The following FHIT variants were observed in gnomAD, a reference collection of about 807,000 sequenced individuals.
FHIT encodes bis(5'-adenosyl)-triphosphatase.
FHIT carries 19 observed loss-of-function variants against 17.9 expected under a neutral mutation model. The observed-to-expected ratio is 1.06, with a 90% CI of 0.74 to 1.56. The LOEUF (loss-of-function observed/expected upper bound fraction) is 1.56, where lower values mean the gene tolerates loss of function less well. Among genes scored for constraint, FHIT ranks in the 40% most tolerant of loss-of-function variants. The pLI is 0.00. For synonymous variants in FHIT, 81 were observed against 69.7 expected, an observed-to-expected ratio of 1.16 and a Z score of -0.81; for missense variants, 248 against 189.2, an observed-to-expected ratio of 1.31 and a Z score of -1.82.
chr3:60,495,588 CAG>C (rs951269904), intron 5 of FHIT, among the ~76,000 whole-genome samples: 36 of 152,022 alleles, frequency 2.4e-4, no homozygotes, highest in Non-Finnish European at 3.7e-4. Context: ...AAAGACCTAA[CAG>C]GGGGAAACCT....
intron 7 of FHIT, among the ~76,000 whole-genome samples, chr3:59,965,727 C>A (rs749666282): frequency 2.0e-5 from 3 of 152,128 alleles, no homozygotes; most frequent in African/African-American, 4.8e-5. Flanking sequence ...AATTTCTAGC[C>A]TACATGATTC....
At position 61,039,930 on chromosome 3, in the gene FHIT, C is replaced by T. The variant is rs527928433; in HGVS notation, c.-111+2117G>A. On this transcript the variant is annotated intron_variant, in intron 3 of 9. Coordinates refer to ENST00000492590, the MANE Select transcript of FHIT (RefSeq NM_002012.4). ...ACTTAGAACAGAATATTATTACTAA[C>T]TTGAAGATTCTTCTGAAAGCCAGAC... Among the ~76,000 whole-genome samples, 10 of 152,288 alleles carry T rather than the reference C, an allele frequency of 6.6e-5. No individual in the cohort carries two copies. The South Asian group carries it at 1.9e-3, about 28-fold the overall frequency.
chr3:61,178,125 T>C (rs2038213579), intron 2 of FHIT, among the ~76,000 whole-genome samples: 3 of 152,168 alleles, frequency 2.0e-5, no homozygotes, highest in Admixed American at 2.0e-4. Context: ...AATCCCTATG[T>C]GTTAAGAGGG....
intron 5 of FHIT, among the ~76,000 whole-genome samples, chr3:60,452,508 T>C (rs984504642): frequency 7.2e-5 from 11 of 152,280 alleles, no homozygotes; most frequent in African/African-American, 2.2e-4. Context: ...ATGAGACCAA[T>C]AGAATGTGAC....
rs144799956 is a variant in FHIT at position 60,871,819 on chromosome 3, T to G, written c.-110-49808A>C. 5.3e-5 allele frequency among the ~76,000 whole-genome samples: 8 copies of G among 151,824 alleles called. No individual in the cohort carries two copies. In the East Asian group the frequency reaches 1.6e-3, roughly 30 times the overall value. The stretch of plus-strand genomic sequence containing the variant: ...CAGATTTTTTATTTTTTGAATGTAT[T>G]TATTTATTTATTTATTTATTTTTTG... On this transcript the variant is annotated intron_variant, in intron 3 of 9. Coordinates refer to ENST00000492590, the MANE Select transcript of FHIT (RefSeq NM_002012.4).
chr3:59,785,383 C>T (rs1014341371), intron 8 of FHIT, among the ~76,000 whole-genome samples: 1 of 150,104 alleles, frequency 6.7e-6, no homozygotes, highest in African/African-American at 2.5e-5. Context: ...GATCTTGGCT[C>T]ACTGCAACCT....
At chr3:60,288,404 G>A (rs1326126537) in intron 5 of FHIT, among the ~76,000 whole-genome samples, 2 of 152,174 alleles carry the variant, frequency 1.3e-5, no homozygotes, top group Non-Finnish European at 2.9e-5. Context: ...TGCCCTCAAA[G>A]TCTCTGATCC....
chr3:61,228,432 A>T (rs1156847752), intron 1 of FHIT, among the ~76,000 whole-genome samples: 1 of 152,216 alleles, frequency 6.6e-6, no homozygotes, highest in Non-Finnish European at 1.5e-5. Flanking sequence ...GCCTTGTCAC[A>T]TCTTCACAAT....
At chr3:60,831,908 G>A (rs992427308) in intron 3 of FHIT, among the ~76,000 whole-genome samples, 2 of 152,090 alleles carry the variant, frequency 1.3e-5, no homozygotes, top group Non-Finnish European at 2.9e-5. Context: ...AGATTTATGA[G>A]ACATGATTGT....
chr3:60,421,425 G>A (rs971138677), intron 5 of FHIT, among the ~76,000 whole-genome samples: 3 of 152,060 alleles, frequency 2.0e-5, no homozygotes, highest in African/African-American at 7.2e-5. Flanking sequence ...CAATAGCACA[G>A]ATGTTTTCAG....
At chr3:60,912,804 T>G (rs782579166) in intron 3 of FHIT, 2 of 512,990 alleles carry the variant, frequency 3.9e-6, no homozygotes, top group Non-Finnish European at 3.9e-6. Context: ...ACCATTTCTC[T>G]AAAAATTTAT....
intron 5 of FHIT, among the ~76,000 whole-genome samples, chr3:60,390,273 A>G (rs752538815): frequency 6.6e-6 from 1 of 152,034 alleles, no homozygotes; most frequent in Non-Finnish European, 1.5e-5. Flanking sequence ...TTAATATTAA[A>G]AAGATGAAAA....
chr3:60,457,099 C>T (rs12494254), intron 5 of FHIT, among the ~76,000 whole-genome samples: 28,795 of 152,036 alleles, frequency 0.19, 2,895 homozygotes, highest in Admixed American at 0.29. Context: ...TCATATGGAA[C>T]CAAAACAGAG....
intron 5 of FHIT, among the ~76,000 whole-genome samples, chr3:60,153,438 G>C (rs903461133): frequency 1.2e-4 from 18 of 151,280 alleles, no homozygotes; most frequent in African/African-American, 4.4e-4. Context: ...CACCTGTTTG[G>C]TTTCTGTTAG....
At chr3:61,160,239 C>G (rs191416949) in intron 2 of FHIT, among the ~76,000 whole-genome samples, 57 of 145,324 alleles carry the variant, frequency 3.9e-4, no homozygotes, top group Non-Finnish European at 7.5e-5. Context: ...ACTCAGATAT[C>G]TGCACTTTTT....
chr3:60,109,624 T>G (rs1704584795), intron 5 of FHIT, among the ~76,000 whole-genome samples: 1 of 152,086 alleles, frequency 6.6e-6, no homozygotes, highest in Middle Eastern at 3.2e-3. Flanking sequence ...AAGCAAGTGG[T>G]TAATGGTTTC....
intron 5 of FHIT, among the ~76,000 whole-genome samples, chr3:60,527,415 T>C (rs188448621): frequency 3.0e-4 from 46 of 152,346 alleles, no homozygotes; most frequent in African/African-American, 9.6e-4. Flanking sequence ...TGAAAATTAA[T>C]CTTAAAGATA....
At chr3:60,159,745 C>A (rs1700855267) in intron 5 of FHIT, among the ~76,000 whole-genome samples, 1 of 152,172 alleles carries the variant, frequency 6.6e-6, no homozygotes, top group South Asian at 2.1e-4. Context: ...GCTGAGGAAA[C>A]TGAAGGACAA....
At position 60,436,302 on chromosome 3, in the gene FHIT, G is replaced by A. The variant is rs146024003; in HGVS notation, c.103+100558C>T. Among the ~76,000 whole-genome samples, 151 of 152,040 alleles carry A rather than the reference G, an allele frequency of 9.9e-4. 1 individual carries two copies. Among genetic ancestry groups the A allele is most frequent in the African/African-American group, 3.2e-3 (131 of 41,474 alleles). ...TGACCTCAAGTGATCCACCCACCTC[G>A]GCCTCCCAAAGCACTAGAATTACAG... On this transcript the variant is annotated intron_variant, in intron 5 of 9. Coordinates refer to ENST00000492590, the MANE Select transcript of FHIT (RefSeq NM_002012.4).
Sources: gnomAD v4.1 joint callset for allele counts (sites outside exome capture counted in the v4.1 genomes callset) on GRCh38, gnomAD v4.1.1 for gene constraint, MANE v1.5 for transcripts, NCBI Gene and HGNC (gene_info 2026-07-23, HGNC 2026-07-21) for gene names.